The following RBFOX1 variants were observed in gnomAD, a reference collection of about 807,000 sequenced individuals.
RBFOX1 encodes the protein RNA binding fox-1 homolog 1, also known as RNA binding protein fox-1 homolog 1.
In RBFOX1, 8 loss-of-function variants were observed where a neutral mutation model predicts 57.7. The ratio of observed to expected loss-of-function variants is 0.14; its 90% CI spans 0.08 to 0.25. The LOEUF is 0.25. Ranked by LOEUF, RBFOX1 falls within the 10% of genes least tolerant of loss-of-function variation. The probability of loss-of-function intolerance (pLI) is 1.00; values close to 1 mark genes in which losing one functional copy is unlikely to be tolerated. For missense variants in RBFOX1, 611 were observed against 548.5 expected (o/e 1.11, Z -1.14); for synonymous variants, 326 against 222.4 (o/e 1.47, Z -4.15).
intron 1 of RBFOX1, among the ~76,000 whole-genome samples, chr16:5,459,516 T>A (rs867199774): frequency 2.1e-4 from 32 of 152,296 alleles, no homozygotes; most frequent in African/African-American, 7.5e-4. Flanking sequence ...CTGACCACTC[T>A]AAATGGATGT....
chr16:7,643,764 A>G (rs1260734620), intron 11 of RBFOX1, among the ~76,000 whole-genome samples: 1 of 152,154 alleles, frequency 6.6e-6, no homozygotes, highest in African/African-American at 2.4e-5. Context: ...ATCAGTGGTG[A>G]TCCCTATGGC....
At chr16:7,483,007 A>C (rs1178126591) in intron 4 of RBFOX1, among the ~76,000 whole-genome samples, 1 of 152,124 alleles carries the variant, frequency 6.6e-6, no homozygotes, top group Non-Finnish European at 1.5e-5. Context: ...TGATTTTCCC[A>C]GGTCATGAAC....
chr16:5,727,271 C>CA (rs141061274), intron 3 of RBFOX1, among the ~76,000 whole-genome samples: 7,158 of 150,076 alleles, frequency 0.048, 535 homozygotes, highest in African/African-American at 0.16. Context: ...GACTTTGTCT[C>CA]AAAAAAAAAT....
At chr16:6,564,395 G>C (rs576275188) in intron 2 of RBFOX1, among the ~76,000 whole-genome samples, 1 of 152,282 alleles carries the variant, frequency 6.6e-6, no homozygotes, top group African/African-American at 2.4e-5. Flanking sequence ...AGGAGACAGA[G>C]CTTGCAGTGA....
intron 3 of RBFOX1, among the ~76,000 whole-genome samples, chr16:6,934,835 C>G (rs1243008986): frequency 6.6e-6 from 1 of 152,034 alleles, no homozygotes; most frequent in East Asian, 1.9e-4. Flanking sequence ...CAGGTAATCC[C>G]AGCACTTTGG....
At chr16:7,170,656 A>T (rs1482650367) in intron 4 of RBFOX1, among the ~76,000 whole-genome samples, 1 of 152,116 alleles carries the variant, frequency 6.6e-6, no homozygotes, top group Non-Finnish European at 1.5e-5. Context: ...TTTAGCCCTA[A>T]GCTGTATAAT....
rs139189650 is a variant in RBFOX1 at position 5,363,809 on chromosome 16, C to T, written c.220-103407C>T. 4.3e-3 allele frequency among the ~76,000 whole-genome samples: 651 copies of T among 152,346 alleles called. 4 individuals are homozygous for T. The highest frequency in any genetic ancestry group is 0.015 in the African/African-American group (619 of 41,572). On this transcript the variant is annotated intron_variant, in intron 1 of 2. Coordinates refer to the RBFOX1 transcript ENST00000585867. Reference sequence around the variant, plus strand: ...GGGTCAGAGAGATCTCTCTTGAGCTCCCTGGGGTTCCCAGCATCTTTCATT... The same window carrying T: ...GGGTCAGAGAGATCTCTCTTGAGCTTCCTGGGGTTCCCAGCATCTTTCATT...
chr16:6,589,031 T>G (rs1210787828), intron 2 of RBFOX1, among the ~76,000 whole-genome samples: 1 of 152,192 alleles, frequency 6.6e-6, no homozygotes, highest in Non-Finnish European at 1.5e-5. Flanking sequence ...TTGAGGAACC[T>G]TTTCAGAATG....
chr16:7,545,285 G>T (rs1457581948), intron 5 of RBFOX1, among the ~76,000 whole-genome samples: 1 of 151,564 alleles, frequency 6.6e-6, no homozygotes, highest in Non-Finnish European at 1.5e-5. Context: ...GAGACACGAA[G>T]CCCACCACTG....
chr16:5,942,750 G>C (rs1236535686), intron 4 of RBFOX1, among the ~76,000 whole-genome samples: 1 of 152,176 alleles, frequency 6.6e-6, no homozygotes, highest in Non-Finnish European at 1.5e-5. Flanking sequence ...ACAAGGTGGA[G>C]TTGGTTAGAT....
At chr16:7,568,903 A>AAAG in intron 5 of RBFOX1, among the ~76,000 whole-genome samples, 1 of 151,202 alleles carries the variant, frequency 6.6e-6, no homozygotes, top group Non-Finnish European at 1.5e-5. Flanking sequence ...AAAAAAAAAA[A>AAAG]AAAGAATCAC....
rs138273151 is a variant in RBFOX1, at chr16:6,013,476, C to G, written c.351+146141C>G. On this transcript the variant is annotated intron_variant, in intron 4 of 19. Coordinates refer to the RBFOX1 transcript ENST00000641259. Reference sequence around the variant, plus strand: ...GGTTAGGAATCTCCACCCTCATGATCATGAATCATTGACATGATTCTAAGC... The same window carrying G: ...GGTTAGGAATCTCCACCCTCATGATGATGAATCATTGACATGATTCTAAGC... Among the ~76,000 whole-genome samples, 290 of 152,184 alleles carry G rather than the reference C, an allele frequency of 1.9e-3. 1 individual carries two copies. Among genetic ancestry groups the G allele is most frequent in the Middle Eastern group, 6.8e-3 (2 of 294 alleles).
At chr16:6,017,162 T>A (rs561132396), upstream of RBFOX1, among the ~76,000 whole-genome samples, 11 of 152,378 alleles carry the variant, frequency 7.2e-5, no homozygotes, top group East Asian at 1.9e-3. Flanking sequence ...CCCATTTTAA[T>A]GTAACAACAG....
intron 4 of RBFOX1, among the ~76,000 whole-genome samples, chr16:7,479,954 G>T (rs2191387): frequency 0.17 from 25,430 of 152,064 alleles, 2,889 homozygotes; most frequent in East Asian, 0.41. Context: ...CTAGGAAAAG[G>T]CAAATGTTGG....
At chr16:6,031,742 C>T (rs988862783) in intron 1 of RBFOX1, among the ~76,000 whole-genome samples, 2 of 152,210 alleles carry the variant, frequency 1.3e-5, no homozygotes, top group African/African-American at 4.8e-5. Flanking sequence ...ACTTCAGAGC[C>T]CAGCAGAATG....
chr16:7,006,258 G>A (rs778733540), intron 3 of RBFOX1, among the ~76,000 whole-genome samples: 12 of 152,050 alleles, frequency 7.9e-5, no homozygotes, highest in East Asian at 3.9e-4. Context: ...AGGTCCAAGC[G>A]ATTCTCCTGT....
At position 5,846,522 on chromosome 16, in the gene RBFOX1, A is replaced by G. The variant is rs4238865; in HGVS notation, c.319-20781A>G. ...CAAGGAGGAAGATTTTCTTCCCCCA[A>G]CTGGGTAGATGGAGGAATGGAGGCT... On this transcript the variant is annotated intron_variant, in intron 3 of 19. Transcript: ENST00000641259. 7.7e-3 allele frequency among the ~76,000 whole-genome samples: 1,175 copies of G among 152,268 alleles called. 11 individuals carry two copies. The highest frequency in any genetic ancestry group is 0.027 in the African/African-American group (1,117 of 41,548).
rs796279138 is a variant in RBFOX1 at position 5,569,438 on chromosome 16, CTTTTTTTTTTTT to C, written c.259-29446_259-29435del. Among the ~76,000 whole-genome samples, 105 of 49,208 alleles carry C rather than the reference CTTTTTTTTTTTT, an allele frequency of 2.1e-3. 1 individual carries two copies. The highest frequency in any genetic ancestry group is 2.6e-3 in the African/African-American group (42 of 16,134). The allele number at this position is 49,208 out of a possible 152,430, so 32.3% of individuals were successfully genotyped here. A position where few individuals can be genotyped will look rare whatever the true frequency, so the allele number is the denominator to read the frequency against. ...GTAAGGGTTAATGATAAGAAGTAAC[CTTTTTTTTTTTT>C]TTTTTTTTTTTTTTTTTCTTCTTCT... On this transcript the variant is annotated intron_variant, in intron 2 of 2. Coordinates refer to the RBFOX1 transcript ENST00000585867.
rs368437570 is a variant in RBFOX1 at position 6,887,463 on chromosome 16, C to T, written c.-15-164594C>T. Among the ~76,000 whole-genome samples, 22 of 152,216 alleles carry T rather than the reference C, an allele frequency of 1.4e-4. No individual in the cohort carries two copies. The East Asian group carries it at 2.3e-3, about 16-fold the overall frequency. ...AAACTAATGATCATTTTCTAAACTT[C>T]GCATCATGTTTTCTGGCTTTTTCTA... On this transcript the variant is annotated intron_variant, in intron 3 of 15. Transcript: ENST00000550418.
Sources: allele counts gnomAD v4.1 joint callset (sites outside exome capture counted in the v4.1 genomes callset), GRCh38; gene constraint gnomAD v4.1.1; transcripts MANE v1.5; gene names NCBI Gene and HGNC (gene_info 2026-07-23, HGNC 2026-07-21).